Variants in CMKLR1 observed in about 807,000 individuals in gnomAD.
The protein encoded by CMKLR1 is chemerin chemokine-like receptor 1.
In CMKLR1, 6 loss-of-function variants were observed where a neutral mutation model predicts 8.2. The ratio of observed to expected loss-of-function variants is 0.73; its 90% CI spans 0.40 to 1.44. The LOEUF (loss-of-function observed/expected upper bound fraction) is 1.44, where lower values mean the gene tolerates loss of function less well. Ranked by LOEUF, CMKLR1 falls within the 40% of genes most tolerant of loss-of-function variation. The pLI, the probability that CMKLR1 is intolerant of heterozygous loss-of-function variation, is 0.02. For missense variants in CMKLR1, 429 were observed against 478.0 expected (o/e 0.90, Z 0.96); for synonymous variants, 178 against 181.2 (o/e 0.98, Z 0.14).
rs1332429280 is a variant in CMKLR1 at position 108,288,316 on chromosome 12, C to T, written c.*3525G>A. ...GACCACTTTCATCCAAACCAGACAC[C>T]ACCTCGTTTTGCAGAGTCCTCAGGG... On this transcript the variant is annotated 3_prime_UTR_variant, in exon 4 of 4. Coordinates refer to ENST00000550402, the MANE Select transcript of CMKLR1 (RefSeq NM_001142343.2). 6.6e-6 allele frequency: 1 copy of T among 152,224 alleles called. No homozygotes were observed. The highest frequency in any genetic ancestry group is 1.5e-5 in the Non-Finnish European group (1 of 68,086). 9.4% of individuals were successfully genotyped at this position (152,224 alleles called of 1,614,324 possible).
intron 2 of CMKLR1, among the ~76,000 whole-genome samples, chr12:108,298,538 T>G (rs1891190915): frequency 6.6e-6 from 1 of 152,178 alleles, no homozygotes; most frequent in Non-Finnish European, 1.5e-5. Flanking sequence ...GCCGTCCAGC[T>G]CCACCCTACA....
In CMKLR1 at chr12:108,293,671, GGAA is replaced by G; in HGVS notation, c.-73-10_-73-8del. On this transcript the variant is annotated splice_region_variant and splice_polypyrimidine_tract_variant and intron_variant, in intron 2 of 3. Coordinates refer to ENST00000550402, the MANE Select transcript of CMKLR1 (RefSeq NM_001142343.2). ...TGTACACAGCTAGAAACACCTGTAG[GGAA>G]AAAAAAAAAAAAAAAAGCAGCAATT... 8.4e-7 allele frequency: 1 copy of G among 1,190,854 alleles called. No homozygotes were observed. The highest frequency in any genetic ancestry group is 1.5e-5 in the South Asian group (1 of 65,098). The allele number at this position is 1,190,854 out of a possible 1,614,324, so 73.8% of individuals were successfully genotyped here. A position where few individuals can be genotyped will look rare whatever the true frequency, so the allele number is the denominator to read the frequency against.
intron 2 of CMKLR1, among the ~76,000 whole-genome samples, chr12:108,311,299 C>T (rs865936423): frequency 8.0e-5 from 10 of 125,324 alleles, no homozygotes; most frequent in Admixed American, 1.5e-4. Flanking sequence ...TGTATGTGTG[C>T]GTGTGAGATA....
chr12:108,309,656 C>T (rs368394361), intron 2 of CMKLR1, among the ~76,000 whole-genome samples: 1 of 152,168 alleles, frequency 6.6e-6, no homozygotes, highest in African/African-American at 2.4e-5. Flanking sequence ...AGGAACAGAT[C>T]GTGGCACAGT....
At chr12:108,316,768 G>T (rs997398815) in intron 2 of CMKLR1, among the ~76,000 whole-genome samples, 1 of 152,164 alleles carries the variant, frequency 6.6e-6, no homozygotes, top group Non-Finnish European at 1.5e-5. Context: ...AGGGAGCTAC[G>T]GGCAAGGTGT....
intron 2 of CMKLR1, among the ~76,000 whole-genome samples, chr12:108,321,274 A>C (rs1891855633): frequency 6.6e-6 from 1 of 152,170 alleles, no homozygotes; most frequent in South Asian, 2.1e-4. Flanking sequence ...ACTCATACAA[A>C]AAATAATAAT....
chr12:108,311,231 T>C (rs1891559455), intron 2 of CMKLR1, among the ~76,000 whole-genome samples: 1 of 152,128 alleles, frequency 6.6e-6, no homozygotes, highest in South Asian at 2.1e-4. Flanking sequence ...GGACTGGGGC[T>C]CAGATGCCAA....
chr12:108,300,394 A>G (rs939789350), intron 2 of CMKLR1, among the ~76,000 whole-genome samples: 1 of 152,266 alleles, frequency 6.6e-6, no homozygotes, highest in Non-Finnish European at 1.5e-5. Context: ...GAGAAGTTCC[A>G]TGTACCTATC....
At chr12:108,331,324 G>A (rs530399746) in intron 1 of CMKLR1, among the ~76,000 whole-genome samples, 76 of 152,196 alleles carry the variant, frequency 5.0e-4, no homozygotes, top group Non-Finnish European at 8.5e-4. Flanking sequence ...CGTGAACGCA[G>A]TCTAAATGAT....
chr12:108,324,203 C>T (rs1478210538), intron 2 of CMKLR1, among the ~76,000 whole-genome samples: 1 of 152,164 alleles, frequency 6.6e-6, no homozygotes, highest in African/African-American at 2.4e-5. Flanking sequence ...GTAGAACAAG[C>T]ACATCTCAGC....
chr12:108,298,413 T>A (rs1286132080), intron 2 of CMKLR1, among the ~76,000 whole-genome samples: 1 of 152,192 alleles, frequency 6.6e-6, no homozygotes, highest in Admixed American at 6.5e-5. Flanking sequence ...GTTCAGCCAG[T>A]GACAGATCCA....
At position 108,288,572 on chromosome 12, in the gene CMKLR1, C is replaced by A. The variant is rs1890865908; in HGVS notation, c.*3269G>T. On this transcript the variant is annotated 3_prime_UTR_variant, in exon 4 of 4. Transcript: ENST00000550402. Reference sequence around the variant, plus strand: ...CCTTGCTGCCAGAATCTCTGTGCCTCTTCTCTGGAGAAGGACCCAGGAACC... The same window carrying A: ...CCTTGCTGCCAGAATCTCTGTGCCTATTCTCTGGAGAAGGACCCAGGAACC... The A allele has an allele frequency of 6.6e-6, 1 of 152,318 alleles. No individual in the cohort carries two copies. Among genetic ancestry groups the A allele is most frequent in the Non-Finnish European group, 1.5e-5 (1 of 68,128 alleles). The allele number at this position is 152,318 out of a possible 1,614,324, so 9.4% of individuals were successfully genotyped here.
At chr12:108,320,250 T>A (rs1891827814) in intron 2 of CMKLR1, among the ~76,000 whole-genome samples, 1 of 152,126 alleles carries the variant, frequency 6.6e-6, no homozygotes, top group Admixed American at 6.5e-5. Context: ...ACTCAGGCAC[T>A]GTGTGGAGTA....
chr12:108,312,772 C>T (rs762221392), intron 2 of CMKLR1, among the ~76,000 whole-genome samples: 1 of 152,126 alleles, frequency 6.6e-6, no homozygotes, highest in Non-Finnish European at 1.5e-5. Flanking sequence ...GCCCTGTGAT[C>T]TCATATCAGT....
rs530589962 is a variant in CMKLR1, at chr12:108,329,306, C to T, written c.-74+689G>A. 2.8e-4 allele frequency among the ~76,000 whole-genome samples: 42 copies of T among 152,320 alleles called. No homozygotes were observed. In the South Asian group the frequency reaches 3.1e-3, roughly 11 times the overall value. On this transcript the variant is annotated intron_variant, in intron 2 of 3. Transcript: ENST00000550402. ...TGCCATCCCTGCTTCCTGCCCACCACGCCAGACTCCCTGCACTCATCAAGT... is the reference window on the plus strand; with the variant it reads ...TGCCATCCCTGCTTCCTGCCCACCATGCCAGACTCCCTGCACTCATCAAGT...
intron 1 of CMKLR1, among the ~76,000 whole-genome samples, chr12:108,335,531 C>T (rs72487528): frequency 0.025 from 3,860 of 152,308 alleles, 452 homozygotes; most frequent in Admixed American, 0.2. Flanking sequence ...GCCCTTATGC[C>T]TTTGGGGACC....
chr12:108,315,687 A>G (rs991159522), intron 2 of CMKLR1, among the ~76,000 whole-genome samples: 1 of 152,204 alleles, frequency 6.6e-6, no homozygotes, highest in Non-Finnish European at 1.5e-5. Flanking sequence ...TCCAGGATTT[A>G]AACACCAGCT....
intron 3 of CMKLR1, among the ~76,000 whole-genome samples, 160 bp from the exon 4 acceptor site, chr12:108,293,119 C>A (rs1308633528): frequency 6.6e-6 from 1 of 152,148 alleles, no homozygotes; most frequent in East Asian, 1.9e-4. Context: ...GAACAAATGC[C>A]TCTCTGGTAC....
chr12:108,301,899 G>A (rs916401727), intron 2 of CMKLR1, among the ~76,000 whole-genome samples: 18 of 151,916 alleles, frequency 1.2e-4, no homozygotes, highest in Non-Finnish European at 1.9e-4. Flanking sequence ...CATTATAATG[G>A]GCTACACACA....
Sources: gnomAD v4.1 joint callset for allele counts (sites outside exome capture counted in the v4.1 genomes callset) on GRCh38, gnomAD v4.1.1 for gene constraint, MANE v1.5 for transcripts, NCBI Gene and HGNC (gene_info 2026-07-23, HGNC 2026-07-21) for gene names.